Variants in IQCJ observed in about 807,000 individuals in gnomAD.
IQCJ encodes the protein IQ domain-containing protein J.
IQCJ carries 9 observed loss-of-function variants against 11.0 expected under a neutral mutation model. That is an observed-to-expected ratio of 0.82 (90% CI 0.49 to 1.43). The LOEUF (loss-of-function observed/expected upper bound fraction) is 1.43. Ranked by LOEUF, IQCJ falls within the 40% of genes most tolerant of loss-of-function variation. The pLI is 0.00. For synonymous variants in IQCJ, 55 were observed against 51.3 expected (o/e 1.07, Z -0.31); for missense variants, 146 against 133.2 (o/e 1.10, Z -0.47).
intron 1 of IQCJ, among the ~76,000 whole-genome samples, chr3:159,166,123 T>C (rs1468578144): frequency 1.3e-5 from 2 of 152,020 alleles, no homozygotes; most frequent in Admixed American, 1.3e-4. Context: ...AAGGAGTTGC[T>C]AAGCAACCGT....
intron 1 of IQCJ, among the ~76,000 whole-genome samples, chr3:159,118,626 T>G (rs905542234): frequency 9.9e-5 from 15 of 152,210 alleles, no homozygotes; most frequent in African/African-American, 3.4e-4. Flanking sequence ...TTCAACCAGT[T>G]GGCTTCCAAG....
chr3:159,173,181 G>A (rs1218250072), intron 1 of IQCJ, among the ~76,000 whole-genome samples: 4 of 152,036 alleles, frequency 2.6e-5, no homozygotes, highest in Non-Finnish European at 1.5e-5. Flanking sequence ...CTTGAATATC[G>A]CACAGAGCTT....
chr3:159,107,800 G>A (rs184271037), intron 1 of IQCJ, among the ~76,000 whole-genome samples: 5 of 152,150 alleles, frequency 3.3e-5, no homozygotes, highest in Admixed American at 1.3e-4. Context: ...TGGGGGACAT[G>A]AGCACCCAAC....
At chr3:159,198,408 A>G (rs1382641309) in intron 1 of IQCJ, among the ~76,000 whole-genome samples, 2 of 152,176 alleles carry the variant, frequency 1.3e-5, no homozygotes, top group Non-Finnish European at 2.9e-5. Context: ...CTGAGGGAGC[A>G]TTTACTTCCT....
At chr3:159,101,547 C>T in intron 1 of IQCJ, among the ~76,000 whole-genome samples, 1 of 152,228 alleles carries the variant, frequency 6.6e-6, no homozygotes, top group Non-Finnish European at 1.5e-5. Context: ...CCATGTGTTT[C>T]ATTATAACGG....
chr3:159,084,051 A>T (rs1005716896), intron 1 of IQCJ, among the ~76,000 whole-genome samples: 2 of 152,124 alleles, frequency 1.3e-5, no homozygotes, highest in Non-Finnish European at 2.9e-5. Flanking sequence ...ACACGCACAC[A>T]TATACAGTGC....
chr3:159,183,950 A>C (rs1723240575), intron 1 of IQCJ, among the ~76,000 whole-genome samples: 1 of 151,550 alleles, frequency 6.6e-6, no homozygotes, highest in African/African-American at 2.4e-5. Context: ...AAATGACCAT[A>C]GAGTTTCCTG....
chr3:159,212,460 C>T (rs1015490055), intron 1 of IQCJ, among the ~76,000 whole-genome samples: 1 of 152,192 alleles, frequency 6.6e-6, no homozygotes, highest in Admixed American at 6.5e-5. Context: ...ATAAGTATTA[C>T]ATAAATGTTA....
intron 1 of IQCJ, among the ~76,000 whole-genome samples, chr3:159,236,026 C>T (rs556569609): frequency 6.6e-6 from 1 of 152,188 alleles, no homozygotes; most frequent in African/African-American, 2.4e-5. Context: ...TTCAAAATGT[C>T]CTTAAAGTGT....
chr3:159,262,661 C>T lies in IQCJ; in HGVS notation c.269C>T (p.Thr90Ile). Residue 90 changes from threonine (T) to isoleucine (I), a missense_variant, in exon 4 of 4, where the codon ACC becomes ATC. Transcript: ENST00000397832. ...EKLSSSVSMN[T>I]FSDSSTPVSV... ...CTGAGCAGCTCTGTCAGCATGAACA[C>T]CTTCTCCGACAGCAGCACACCCGTG... 1 of 1,613,994 alleles carries T rather than the reference C, an allele frequency of 6.2e-7. No homozygotes were observed. Among genetic ancestry groups the T allele is most frequent in the Non-Finnish European group, 8.5e-7 (1 of 1,179,862 alleles).
intron 1 of IQCJ, among the ~76,000 whole-genome samples, chr3:159,087,792 A>G (rs1183344547): frequency 6.6e-6 from 1 of 151,476 alleles, no homozygotes; most frequent in African/African-American, 2.4e-5. Flanking sequence ...TATTGCATCT[A>G]TTTGAGTCTT....
intron 1 of IQCJ, among the ~76,000 whole-genome samples, chr3:159,107,913 TGAA>T (rs1559987953): frequency 6.9e-6 from 1 of 144,864 alleles, no homozygotes; most frequent in African/African-American, 2.6e-5. Flanking sequence ...GCTTCTCCCC[TGAA>T]GAACTCACTG....
At chr3:159,229,509 C>T (rs1048695357) in intron 1 of IQCJ, among the ~76,000 whole-genome samples, 1 of 151,886 alleles carries the variant, frequency 6.6e-6, no homozygotes, top group Non-Finnish European at 1.5e-5. Flanking sequence ...GCTTCCCCTT[C>T]GGCCATTGCA....
At chr3:159,078,442 C>CA (rs1034069234) in intron 1 of IQCJ, among the ~76,000 whole-genome samples, 41 of 152,018 alleles carry the variant, frequency 2.7e-4, no homozygotes, top group Admixed American at 1.2e-3. Flanking sequence ...GAATAAAGTT[C>CA]ATTTTCTACA....
intron 1 of IQCJ, among the ~76,000 whole-genome samples, chr3:159,075,283 T>C (rs1715835573): frequency 6.6e-6 from 1 of 152,164 alleles, no homozygotes; most frequent in Non-Finnish European, 1.5e-5. Context: ...CTTGTTTTAC[T>C]GTAGAGTGCA....
chr3:159,075,785 G>A (rs540198970), intron 1 of IQCJ, among the ~76,000 whole-genome samples: 1 of 152,266 alleles, frequency 6.6e-6, no homozygotes, highest in Non-Finnish European at 1.5e-5. Context: ...GGCAGGCACT[G>A]TTGGTTACTG....
chr3:159,191,514 T>C (rs938549855), intron 1 of IQCJ, among the ~76,000 whole-genome samples: 2 of 152,174 alleles, frequency 1.3e-5, no homozygotes, highest in Admixed American at 6.5e-5. Context: ...CAAGTGGTCA[T>C]CGTGTTTTCC....
At chr3:159,136,536 G>A (rs893262294) in intron 1 of IQCJ, among the ~76,000 whole-genome samples, 1 of 152,176 alleles carries the variant, frequency 6.6e-6, no homozygotes, top group Non-Finnish European at 1.5e-5. Flanking sequence ...GGTGGCTTAT[G>A]AACAGTAGAA....
intron 1 of IQCJ, among the ~76,000 whole-genome samples, chr3:159,193,477 G>A (rs1352709307): frequency 6.6e-6 from 1 of 152,140 alleles, no homozygotes; most frequent in Non-Finnish European, 1.5e-5. Flanking sequence ...ACCCATATGA[G>A]TATGCCCTCT....
Sources: gnomAD v4.1 joint callset for allele counts (sites outside exome capture counted in the v4.1 genomes callset) on GRCh38, gnomAD v4.1.1 for gene constraint, MANE v1.5 for transcripts, NCBI Gene and HGNC (gene_info 2026-07-23, HGNC 2026-07-21) for gene names.